Variants in C5orf22 observed in about 807,000 individuals in gnomAD.
C5orf22 encodes the protein chromosome 5 open reading frame 22, also known as UPF0489 protein C5orf22.
In C5orf22, 36 loss-of-function variants were observed where a neutral mutation model predicts 48.7. The observed-to-expected ratio is 0.74, with a 90% CI of 0.57 to 0.98. The LOEUF is 0.98. C5orf22 is among the 50% of genes least tolerant of loss of function. The pLI is 0.00. For synonymous variants in C5orf22, 141 were observed against 180.8 expected (o/e 0.78, Z 1.76); for missense variants, 486 against 521.9 (o/e 0.93, Z 0.67).
chr5:31,545,306 C>T (rs1227715019), intron 6 of C5orf22, among the ~76,000 whole-genome samples: 1 of 152,166 alleles, frequency 6.6e-6, no homozygotes, highest in East Asian at 1.9e-4. Flanking sequence ...GATCCGCCCG[C>T]CTCGGCCTCC....
At chr5:31,542,886 A>T (rs565248588) in intron 6 of C5orf22, among the ~76,000 whole-genome samples, 1 of 152,342 alleles carries the variant, frequency 6.6e-6, no homozygotes, top group South Asian at 2.1e-4. Flanking sequence ...AATCAGTTGT[A>T]AGGTAGCAAG....
chr5:31,533,187 CA>C (rs1247706178), intron 1 of C5orf22, among the ~76,000 whole-genome samples: 1 of 151,938 alleles, frequency 6.6e-6, no homozygotes, highest in African/African-American at 2.4e-5. Flanking sequence ...AGTCTGACCT[CA>C]CGTGATCGGC....
intron 3 of C5orf22, among the ~76,000 whole-genome samples, chr5:31,536,793 A>T (rs946164144): frequency 1.3e-5 from 2 of 152,204 alleles, no homozygotes; most frequent in African/African-American, 4.8e-5. Context: ...ACTTTCAGAA[A>T]TATCAATATG....
At chr5:31,542,479 GC>G (rs1742534718) in intron 6 of C5orf22, among the ~76,000 whole-genome samples, 2 of 86,572 alleles carry the variant, frequency 2.3e-5, no homozygotes, top group Non-Finnish European at 5.6e-5. Flanking sequence ...AAAAAAAAAA[GC>G]GAAAACTTAG....
chr5:31,541,708 G>A (rs376336647), intron 6 of C5orf22, among the ~76,000 whole-genome samples: 3 of 152,158 alleles, frequency 2.0e-5, no homozygotes, highest in South Asian at 4.1e-4. Context: ...AGGAGTTTGA[G>A]GCTGTAGTGG....
At chr5:31,536,031 A>G (rs1742054733) in intron 3 of C5orf22, 138 bp downstream of exon 3, 1 of 739,312 alleles carries the variant, frequency 1.4e-6, no homozygotes, top group Non-Finnish European at 2.1e-6. Context: ...TTCTCAAAAC[A>G]CGAAGAACAA....
In C5orf22 at chr5:31,552,996, T is replaced by C. The variant is rs1333098662; in HGVS notation, c.*94T>C. The C allele has an allele frequency of 1.1e-5, 12 of 1,071,496 alleles. No homozygotes were observed. Among genetic ancestry groups the C allele is most frequent in the Non-Finnish European group, 1.5e-5 (11 of 743,336 alleles). The allele number at this position is 1,071,496 out of a possible 1,614,324, so 66.4% of individuals were successfully genotyped here. A position where few individuals can be genotyped will look rare whatever the true frequency, so the allele number is the denominator to read the frequency against. On this transcript the variant is annotated 3_prime_UTR_variant, in exon 9 of 9. Transcript: ENST00000325366. ...CATGAGTCTTCCAGAGAACACTGTTTTATATTAACTTTCAGTTGAAATCTT... is the reference window on the plus strand; with the variant it reads ...CATGAGTCTTCCAGAGAACACTGTTCTATATTAACTTTCAGTTGAAATCTT...
intron 1 of C5orf22, among the ~76,000 whole-genome samples, chr5:31,533,452 G>A (rs1741846018): frequency 6.6e-6 from 1 of 152,108 alleles, no homozygotes; most frequent in South Asian, 2.1e-4. Context: ...TGGGATGGGA[G>A]GCAGTTCTCT....
rs553533801 is a variant in C5orf22 at position 31,545,677 on chromosome 5, T to G, written c.1024T>G (p.Leu342Val). Residue 342 changes from leucine to valine, a missense_variant, in exon 7 of 9, where the codon TTG becomes GTG. Physicochemically the swap from Leu to Val is conservative, Grantham distance 32. This residue lies in a region of C5orf22 where 408 missense variants were observed against 444.0 expected (regional missense o/e 0.92). Transcript: ENST00000325366. The stretch of plus-strand genomic sequence containing the variant: ...ATCACTAGTTCCCCTTGTACAGAGT[T>G]TGAAAAAACGGATGGAAGTACCAGA... ...MESLVPLVQS[L>V]KKRMEVPDYE... The G allele has an allele frequency of 4.3e-6, 7 of 1,611,074 alleles. No homozygotes were observed. The African/African-American group carries it at 9.3e-5, about 22-fold the overall frequency.
At chr5:31,534,976 C>T (rs139862544) in intron 2 of C5orf22, 163 of 454,432 alleles carry the variant, frequency 3.6e-4, no homozygotes, top group African/African-American at 3.0e-3. Context: ...TGGATTCTCA[C>T]GTCTATTTCT....
chr5:31,535,306 A>G (rs1402427823), intron 2 of C5orf22, among the ~76,000 whole-genome samples: 1 of 152,228 alleles, frequency 6.6e-6, no homozygotes, highest in Non-Finnish European at 1.5e-5. Context: ...ACTATGTAGC[A>G]GGAGAGCTTT....
chr5:31,536,043 C>A, intron 3 of C5orf22, 150 bp downstream of exon 3: 1 of 676,968 alleles, frequency 1.5e-6, no homozygotes. Context: ...GAAGAACAAA[C>A]TTTTAAGTCT....
chr5:31,534,494 A>G (rs1741957388), intron 2 of C5orf22, 77 bp downstream of exon 2: 1 of 1,328,240 alleles, frequency 7.5e-7, no homozygotes, highest in Non-Finnish European at 1.0e-6. Context: ...TATAGGAAAT[A>G]GACTTTGCTA....
Position 31,553,037 on chromosome 5 carries a change from C to A in C5orf22, c.*135C>A. On this transcript the variant is annotated 3_prime_UTR_variant, in exon 9 of 9. Coordinates refer to ENST00000325366, the MANE Select transcript of C5orf22 (RefSeq NM_018356.3). ...TTGAAATCTTTCAGATATTTTGAAT[C>A]TCTGAACAACCATTGTCAGTTGTGA... The A allele has an allele frequency of 2.4e-6, 2 of 830,064 alleles. No homozygotes were observed. Among genetic ancestry groups the A allele is most frequent in the Non-Finnish European group, 1.8e-6 (1 of 565,044 alleles). 51.4% of individuals were successfully genotyped at this position (830,064 alleles called of 1,614,324 possible).
At position 31,551,271 on chromosome 5, in the gene C5orf22, T is replaced by A. The variant is rs193190979; in HGVS notation, c.1060-22T>A. 1.1e-4 allele frequency: 176 copies of A among 1,610,602 alleles called. 2 individuals carry two copies. The African/African-American group carries it at 2.1e-3, about 19-fold the overall frequency. ...TAAAAACAACTGTCATACAGTGTAA[T>A]TTTTAATTGTCTTATTTTCAGGTTC... On this transcript the variant is annotated intron_variant, in intron 7 of 8. Transcript: ENST00000325366.
At chr5:31,552,739 G>T in intron 8 of C5orf22, 34 bp from the exon 9 acceptor site, 1 of 1,598,024 alleles carries the variant, frequency 6.3e-7, no homozygotes, top group Non-Finnish European at 8.6e-7. Context: ...TATCCTATGT[G>T]TATTTTTCTT....
intron 7 of C5orf22, chr5:31,548,586 T>C (rs890126310): frequency 1.6e-5 from 7 of 450,564 alleles, no homozygotes; most frequent in Admixed American, 4.7e-5. Flanking sequence ...ATTCAACAAG[T>C]CTCTAGGAAG....
chr5:31,550,656 C>T (rs1331162616), intron 7 of C5orf22, among the ~76,000 whole-genome samples: 1 of 152,054 alleles, frequency 6.6e-6, no homozygotes, highest in Non-Finnish European at 1.5e-5. Flanking sequence ...ACCTCTGCCT[C>T]CCGTGTTCAA....
intron 4 of C5orf22, among the ~76,000 whole-genome samples, chr5:31,540,375 C>T (rs1478250410): frequency 1.3e-5 from 2 of 152,172 alleles, no homozygotes; most frequent in Non-Finnish European, 2.9e-5. Flanking sequence ...GAAACATTAT[C>T]CTACAAAGTT....
Sources: gnomAD v4.1 joint callset for allele counts (sites outside exome capture counted in the v4.1 genomes callset) on GRCh38, gnomAD v4.1.1 for gene constraint, gnomAD v4.1.1 regional missense constraint, MANE v1.5 for transcripts, NCBI Gene and HGNC (gene_info 2026-07-23, HGNC 2026-07-21) for gene names.